BMERB1: variants seen among roughly 807,000 people sequenced by gnomAD.
The protein encoded by BMERB1 is bMERB domain containing 1.
A neutral mutation model predicts 23.6 loss-of-function variants in BMERB1; 12 were observed. The observed-to-expected ratio is 0.51, with a 90% CI of 0.33 to 0.82. The LOEUF (loss-of-function observed/expected upper bound fraction) is 0.82. BMERB1 is among the 40% of genes least tolerant of loss of function. The pLI, the probability that BMERB1 is intolerant of heterozygous loss-of-function variation, is 0.03. For missense variants in BMERB1, 247 were observed against 255.4 expected (o/e 0.97, Z 0.22); for synonymous variants, 122 against 96.6 (o/e 1.26, Z -1.54).
At chr16:15,464,072 G>A (rs2051160387) in intron 1 of BMERB1, among the ~76,000 whole-genome samples, 1 of 152,078 alleles carries the variant, frequency 6.6e-6, no homozygotes, top group South Asian at 2.1e-4. Context: ...CAGCAGTTTG[G>A]GAGGCCGAGG....
intron 2 of BMERB1, among the ~76,000 whole-genome samples, chr16:15,556,610 G>A (rs1331522209): frequency 1.3e-5 from 2 of 151,938 alleles, no homozygotes; most frequent in African/African-American, 2.4e-5. Context: ...TTATTGAGAC[G>A]GAGTCTCGCT....
intron 2 of BMERB1, among the ~76,000 whole-genome samples, chr16:15,558,703 G>T (rs756852401): frequency 5.4e-5 from 8 of 148,964 alleles, no homozygotes; most frequent in Non-Finnish European, 1.0e-4. Context: ...CATATGTAAG[G>T]AAGCCGGTGG....
chr16:15,498,179 A>AT lies in BMERB1; in HGVS notation c.107-17114dup, dbSNP rs538672720. Among the ~76,000 whole-genome samples, 265 of 146,732 alleles carry AT rather than the reference A, an allele frequency of 1.8e-3. 1 individual carries two copies. Among genetic ancestry groups the AT allele is most frequent in the Admixed American group, 3.5e-3 (52 of 14,652 alleles). On this transcript the variant is annotated intron_variant, in intron 1 of 5. Transcript: ENST00000300006. Reference sequence around the variant, plus strand: ...GTCCAGGAGAAGCCCAGGTAGATGGATTTTTTTTTTTTAATCACACCTAGG... The same window carrying AT: ...GTCCAGGAGAAGCCCAGGTAGATGGATTTTTTTTTTTTTAATCACACCTAGG...
intron 2 of BMERB1, chr16:15,533,081 T>C (rs2150960116): frequency 2.2e-6 from 1 of 452,342 alleles, no homozygotes; most frequent in East Asian, 7.0e-5. Flanking sequence ...AGGGTGGTCA[T>C]GAGGAGTAAA....
At chr16:15,520,445 G>A (rs2051836627) in intron 2 of BMERB1, among the ~76,000 whole-genome samples, 1 of 149,160 alleles carries the variant, frequency 6.7e-6, no homozygotes. Context: ...CTGTACCATT[G>A]AAACTGACCC....
intron 4 of BMERB1, among the ~76,000 whole-genome samples, chr16:15,582,663 A>C (rs537224271): frequency 6.6e-6 from 1 of 151,860 alleles, no homozygotes; most frequent in Non-Finnish European, 1.5e-5. Context: ...AGGCTTCTTG[A>C]GTTACGATTG....
At chr16:15,489,221 G>T (rs1429029563) in intron 1 of BMERB1, among the ~76,000 whole-genome samples, 1 of 152,072 alleles carries the variant, frequency 6.6e-6, no homozygotes, top group African/African-American at 2.4e-5. Flanking sequence ...GGTGCCAGTT[G>T]GTTCCCCAAA....
At chr16:15,515,620 G>A (rs2051741651) in intron 2 of BMERB1, among the ~76,000 whole-genome samples, 192 bp downstream of exon 2, 1 of 152,056 alleles carries the variant, frequency 6.6e-6, no homozygotes, top group Admixed American at 6.5e-5. Context: ...GCAAGACCCT[G>A]AAGTTGGAAT....
chr16:15,509,346 A>C, intron 1 of BMERB1, among the ~76,000 whole-genome samples: 1 of 147,826 alleles, frequency 6.8e-6, no homozygotes, highest in Non-Finnish European at 1.5e-5. Flanking sequence ...GGGGGGGGAG[A>C]GAGAGAGCAC....
At chr16:15,436,280 C>T (rs1195957498) in intron 1 of BMERB1, among the ~76,000 whole-genome samples, 6 of 123,470 alleles carry the variant, frequency 4.9e-5, no homozygotes, top group Admixed American at 9.5e-5. Flanking sequence ...TTTTTTGAGA[C>T]GGAGTTTCGC....
chr16:15,581,311 T>C lies in BMERB1; in HGVS notation c.399T>C (p.Asp133=), dbSNP rs567648444. 5 of 1,614,016 alleles carry C rather than the reference T, an allele frequency of 3.1e-6. No homozygotes were observed. The African/African-American group carries it at 5.3e-5, about 17-fold the overall frequency. ...LVQKRDFLVD[D]AEVERLREQE... is the part of the protein sequence containing the mutation. The stretch of plus-strand genomic sequence containing the variant: ...AGAAGAGAGACTTCCTGGTGGACGA[T>C]GCGGAGGTCGAGCGGTTAAGGTGAG... Residue 133 remains aspartate (D), a synonymous_variant, in exon 4 of 6, where the codon GAT becomes GAC. Transcript: ENST00000300006.
At chr16:15,585,400 T>C (rs1465156229) in intron 5 of BMERB1, among the ~76,000 whole-genome samples, 1 of 152,148 alleles carries the variant, frequency 6.6e-6, no homozygotes, top group Non-Finnish European at 1.5e-5. Context: ...TAAAAACTAT[T>C]GTAAAACCAG....
At chr16:15,476,945 G>A (rs2051279571) in intron 1 of BMERB1, among the ~76,000 whole-genome samples, 1 of 152,190 alleles carries the variant, frequency 6.6e-6, no homozygotes, top group Non-Finnish European at 1.5e-5. Context: ...GGAAGGGGTT[G>A]CAGTTTTTCC....
At chr16:15,533,314 C>T (rs1184571876) in intron 2 of BMERB1, among the ~76,000 whole-genome samples, 4 of 151,738 alleles carry the variant, frequency 2.6e-5, no homozygotes, top group South Asian at 4.2e-4. Flanking sequence ...GTTGAAACGA[C>T]GAGAGAAGTC....
chr16:15,540,381 C>T (rs988749248), intron 2 of BMERB1, among the ~76,000 whole-genome samples: 1 of 151,872 alleles, frequency 6.6e-6, no homozygotes, highest in African/African-American at 2.4e-5. Flanking sequence ...CAAAAATTAG[C>T]GGCTCTCGGT....
chr16:15,554,477 C>T (rs920147985), intron 2 of BMERB1, among the ~76,000 whole-genome samples: 18 of 152,002 alleles, frequency 1.2e-4, no homozygotes, highest in African/African-American at 3.1e-4. Context: ...ATAGTGAGAC[C>T]ATATTTATGT....
intron 3 of BMERB1, among the ~76,000 whole-genome samples, chr16:15,568,925 G>A (rs999818978): frequency 6.6e-6 from 1 of 151,966 alleles, no homozygotes. Context: ...TTATCAAAAT[G>A]CTAGTCCCAG....
intron 2 of BMERB1, among the ~76,000 whole-genome samples, chr16:15,542,821 C>A (rs1292028485): frequency 1.3e-5 from 2 of 152,096 alleles, no homozygotes; most frequent in African/African-American, 2.4e-5. Context: ...CTGCATCAAA[C>A]CCCTTGCAGG....
chr16:15,449,623 G>A (rs2051023599), intron 1 of BMERB1, among the ~76,000 whole-genome samples: 1 of 151,656 alleles, frequency 6.6e-6, no homozygotes, highest in Non-Finnish European at 1.5e-5. Context: ...TCAGCTCAAT[G>A]CAACCTCTGC....
Sources: gnomAD v4.1 joint callset for allele counts (sites outside exome capture counted in the v4.1 genomes callset) on GRCh38, gnomAD v4.1.1 for gene constraint, MANE v1.5 for transcripts, NCBI Gene and HGNC (gene_info 2026-07-23, HGNC 2026-07-21) for gene names.